The following HSDL2 variants were observed in gnomAD, a reference collection of about 807,000 sequenced individuals.
The protein encoded by HSDL2 is hydroxysteroid dehydrogenase like 2.
In HSDL2, 27 loss-of-function variants were observed where a neutral mutation model predicts 46.3. The observed-to-expected ratio is 0.58, with a 90% CI of 0.43 to 0.80. The LOEUF is 0.80. Among genes scored for constraint, HSDL2 ranks in the 30% least tolerant of loss-of-function variants. The pLI, the probability that HSDL2 is intolerant of heterozygous loss-of-function variation, is 0.00. For missense variants in HSDL2, 451 were observed against 502.7 expected (o/e 0.90, Z 0.98); for synonymous variants, 153 against 163.6 (o/e 0.94, Z 0.50).
rs1170653290 is a variant in HSDL2 at position 112,416,214 on chromosome 9, C to T, written c.396-627C>T. On this transcript the variant is annotated intron_variant, in intron 4 of 10. Transcript: ENST00000398805. ...CGCTTGAGTCCAGGAGTTTGAGACA[C>T]GCCTGCGCCACATAGCAAGACCCTG... Among the ~76,000 whole-genome samples the T allele has an allele frequency of 2.0e-5, 3 of 150,806 alleles. No individual in the cohort carries two copies. In the East Asian group the frequency reaches 5.8e-4, roughly 29 times the overall value.
intron 6 of HSDL2, among the ~76,000 whole-genome samples, chr9:112,435,407 G>A (rs996268199): frequency 1.3e-5 from 2 of 152,124 alleles, no homozygotes; most frequent in Admixed American, 1.3e-4. Context: ...AAGTTCTGCA[G>A]TTTTCGGGAG....
At chr9:112,409,715 A>C (rs907828343) in intron 4 of HSDL2, among the ~76,000 whole-genome samples, 6 of 152,068 alleles carry the variant, frequency 3.9e-5, no homozygotes, top group African/African-American at 1.4e-4. Flanking sequence ...TTTGTGTGCT[A>C]CTGAGACTGT....
chr9:112,396,712 AG>A (rs1831464811), intron 1 of HSDL2, among the ~76,000 whole-genome samples: 1 of 152,154 alleles, frequency 6.6e-6, no homozygotes, highest in Non-Finnish European at 1.5e-5. Flanking sequence ...CTTGAGGTAA[AG>A]GCCCCGTGAG....
rs1302981939 is a variant in HSDL2, at chr9:112,438,506, C to T, written c.674C>T (p.Ala225Val). 3.1e-6 allele frequency: 5 copies of T among 1,612,076 alleles called. No homozygotes were observed. The highest frequency in any genetic ancestry group is 1.7e-5 in the Admixed American group (1 of 59,688). ...ESQCRKVDIIADAAYSIFQKP... is the reference protein window; with the variant it reads ...ESQCRKVDIIVDAAYSIFQKP... ...CAGTGTAGAAAAGTTGATATCATTG[C>T]AGATGCAGCATATTCCATTTTCCAA... The change falls in exon 7 of 11, where the codon GCA (alanine) becomes GTA (valine). Residue 225 changes from alanine (A) to valine (V), a missense_variant. Transcript: ENST00000398805.
At chr9:112,396,884 G>A (rs945777211) in intron 1 of HSDL2, among the ~76,000 whole-genome samples, 1 of 152,278 alleles carries the variant, frequency 6.6e-6, no homozygotes, top group African/African-American at 2.4e-5. Context: ...TGTGCTGGGG[G>A]CTGTGTTGGG....
intron 6 of HSDL2, among the ~76,000 whole-genome samples, chr9:112,427,280 C>T (rs574084455): frequency 1.3e-5 from 2 of 152,264 alleles, no homozygotes; most frequent in African/African-American, 4.8e-5. Context: ...GTCTCGGACT[C>T]CTGACCTCAA....
intron 5 of HSDL2, 114 bp from the exon 6 acceptor site, chr9:112,418,746 T>C (rs1280101082): frequency 4.3e-6 from 2 of 469,930 alleles, no homozygotes; most frequent in Non-Finnish European, 7.7e-6. Context: ...TATACATACA[T>C]GCACACATAT....
At chr9:112,457,439 G>C (rs902464110) in intron 9 of HSDL2, among the ~76,000 whole-genome samples, 1 of 151,996 alleles carries the variant, frequency 6.6e-6, no homozygotes, top group Non-Finnish European at 1.5e-5. Flanking sequence ...TCAGGAGTTC[G>C]AGACCAGGCT....
rs746704454 is a variant in HSDL2 at position 112,441,759 on chromosome 9, T to C, written c.854T>C (p.Val285Ala). Reference sequence around the variant, plus strand: ...TACCCAGAAGCAGTTAGCAAGAAAGTGGAATCAACTGGTAAGATCTAGACT... The same window carrying C: ...TACCCAGAAGCAGTTAGCAAGAAAGCGGAATCAACTGGTAAGATCTAGACT... ...DEYPEAVSKK[V>A]ESTGAVPEFK... Residue 285 changes from valine (V) to alanine (A), a missense_variant, in exon 8 of 11, where the codon GTG becomes GCG. Coordinates refer to ENST00000398805, the MANE Select transcript of HSDL2 (RefSeq NM_032303.5). 3 of 1,588,370 alleles carry C rather than the reference T, an allele frequency of 1.9e-6. No homozygotes were observed. The highest frequency in any genetic ancestry group is 1.7e-6 in the Non-Finnish European group (2 of 1,156,776).
intron 6 of HSDL2, among the ~76,000 whole-genome samples, chr9:112,425,972 C>T (rs940990295): frequency 1.2e-4 from 18 of 152,142 alleles, no homozygotes; most frequent in Middle Eastern, 3.2e-3. Context: ...AACTCCTGGG[C>T]TCAGGAAATC....
intron 4 of HSDL2, among the ~76,000 whole-genome samples, chr9:112,410,135 C>T (rs1423128316): frequency 6.6e-6 from 1 of 152,138 alleles, no homozygotes; most frequent in Non-Finnish European, 1.5e-5. Context: ...TGGGCTTTGC[C>T]GGGGAAATGT....
chr9:112,447,968 A>G (rs1279757837), intron 8 of HSDL2, among the ~76,000 whole-genome samples: 1 of 152,218 alleles, frequency 6.6e-6, no homozygotes, highest in Non-Finnish European at 1.5e-5. Flanking sequence ...GTGAGTACTC[A>G]TTGAAAGCAT....
At chr9:112,411,566 T>G (rs897675260) in intron 4 of HSDL2, among the ~76,000 whole-genome samples, 2 of 152,132 alleles carry the variant, frequency 1.3e-5, no homozygotes, top group African/African-American at 4.8e-5. Context: ...ACTGGACTAT[T>G]CCGGAGGCTG....
At chr9:112,454,258 G>A in intron 9 of HSDL2, 96 bp downstream of exon 9, 4 of 951,592 alleles carry the variant, frequency 4.2e-6, no homozygotes, top group Non-Finnish European at 6.3e-6. Flanking sequence ...CCCCTGGATA[G>A]TTGGCTGCAT....
chr9:112,400,937 T>C (rs1307147795), intron 1 of HSDL2, among the ~76,000 whole-genome samples: 4 of 152,198 alleles, frequency 2.6e-5, no homozygotes, highest in Non-Finnish European at 5.9e-5. Context: ...GTTAACTAAT[T>C]ACATCTTCAG....
chr9:112,445,497 C>A (rs1032030645), intron 8 of HSDL2, among the ~76,000 whole-genome samples: 4 of 151,566 alleles, frequency 2.6e-5, no homozygotes, highest in African/African-American at 9.7e-5. Context: ...AACTTTCTGT[C>A]CCTGTTTCAT....
At position 112,438,373 on chromosome 9, in the gene HSDL2, T is replaced by G. The variant is rs944382197; in HGVS notation, c.599-58T>G. 34 of 1,114,944 alleles carry G rather than the reference T, an allele frequency of 3.0e-5. No homozygotes were observed. In the East Asian group the frequency reaches 8.9e-4, roughly 29 times the overall value. 69.1% of individuals were successfully genotyped at this position (1,114,944 alleles called of 1,614,324 possible). A position where few individuals can be genotyped will look rare whatever the true frequency, so the allele number is the denominator to read the frequency against. On this transcript the variant is annotated intron_variant, in intron 6 of 10. Coordinates refer to ENST00000398805, the MANE Select transcript of HSDL2 (RefSeq NM_032303.5). Reference sequence around the variant, plus strand: ...GGGTGGTGCTTGCTTGTTACTTCCATAGTTTTATTATTTGATTTGGAGTTA... The same window carrying G: ...GGGTGGTGCTTGCTTGTTACTTCCAGAGTTTTATTATTTGATTTGGAGTTA...
chr9:112,409,495 A>G (rs1402686911), intron 4 of HSDL2, among the ~76,000 whole-genome samples: 1 of 152,036 alleles, frequency 6.6e-6, no homozygotes, highest in Non-Finnish European at 1.5e-5. Flanking sequence ...CCAGCCCGAT[A>G]GTATTTTAAA....
intron 1 of HSDL2, among the ~76,000 whole-genome samples, chr9:112,381,328 GA>G (rs1831089992): frequency 2.0e-5 from 3 of 152,036 alleles, no homozygotes; most frequent in Admixed American, 6.6e-5. Context: ...TGTGCCCAGG[GA>G]CATACATTTT....
Sources: allele counts gnomAD v4.1 joint callset (sites outside exome capture counted in the v4.1 genomes callset), GRCh38; gene constraint gnomAD v4.1.1; transcripts MANE v1.5; gene names NCBI Gene and HGNC (gene_info 2026-07-23, HGNC 2026-07-21).